SH3RF3: variants seen among roughly 807,000 people sequenced by gnomAD.
SH3RF3 encodes SH3 domain containing ring finger 3, also known as E3 ubiquitin-protein ligase SH3RF3.
A neutral mutation model predicts 66.3 loss-of-function variants in SH3RF3; 29 were observed. The ratio of observed to expected loss-of-function variants is 0.44; its 90% CI spans 0.33 to 0.60. The LOEUF (loss-of-function observed/expected upper bound fraction) is 0.60, where lower values mean the gene tolerates loss of function less well. SH3RF3 is among the 20% of genes least tolerant of loss of function. The pLI, the probability that SH3RF3 is intolerant of heterozygous loss-of-function variation, is 0.04. For missense variants in SH3RF3, 1,194 were observed against 1,190.9 expected (o/e 1.00, Z -0.04); for synonymous variants, 583 against 532.0 (o/e 1.10, Z -1.32).
intron 5 of SH3RF3, among the ~76,000 whole-genome samples, chr2:109,431,452 A>G (rs1392951222): frequency 6.6e-6 from 1 of 152,206 alleles, no homozygotes; most frequent in African/African-American, 2.4e-5. Flanking sequence ...AGTATTATCC[A>G]ATCTTTACAA....
At chr2:109,286,881 C>A (rs1346884902) in intron 1 of SH3RF3, among the ~76,000 whole-genome samples, 2 of 152,168 alleles carry the variant, frequency 1.3e-5, no homozygotes, top group African/African-American at 4.8e-5. Flanking sequence ...ACCGGTCTGT[C>A]CCCAGAGAAA....
At chr2:109,343,029 C>T (rs1294896682) in intron 1 of SH3RF3, among the ~76,000 whole-genome samples, 2 of 152,116 alleles carry the variant, frequency 1.3e-5, no homozygotes, top group African/African-American at 2.4e-5. Context: ...AAGGGGAGCA[C>T]GCCGCAGTGT....
Position 109,297,507 on chromosome 2 carries a change from C to T in SH3RF3, c.574-50167C>T, listed in dbSNP as rs139675355. Among the ~76,000 whole-genome samples, 95 of 152,080 alleles carry T rather than the reference C, an allele frequency of 6.2e-4. 1 individual carries two copies. The highest frequency in any genetic ancestry group is 1.9e-3 in the African/African-American group (77 of 41,474). On this transcript the variant is annotated intron_variant, in intron 1 of 9. Transcript: ENST00000309415. The stretch of plus-strand genomic sequence containing the variant: ...GTGCTCCCCACCAGACCAGTGCCTC[C>T]GACCCAAGTCAGTGCCTCCCACCCA...
At chr2:109,239,230 C>T (rs371307093) in intron 1 of SH3RF3, among the ~76,000 whole-genome samples, 8 of 151,982 alleles carry the variant, frequency 5.3e-5, no homozygotes, top group African/African-American at 1.7e-4. Context: ...TCCGTAAATA[C>T]GGATGGCAAA....
intron 1 of SH3RF3, among the ~76,000 whole-genome samples, chr2:109,179,182 C>CTCA (rs1678009823): frequency 6.6e-6 from 1 of 152,154 alleles, no homozygotes; most frequent in African/African-American, 2.4e-5. Context: ...ACGTATCTTG[C>CTCA]AGCTGCGTGG....
chr2:109,390,797 T>C (rs908098726), intron 3 of SH3RF3, among the ~76,000 whole-genome samples: 4 of 152,158 alleles, frequency 2.6e-5, no homozygotes, highest in Admixed American at 2.0e-4. Flanking sequence ...CTTCCCGGGC[T>C]ACCCACTATG....
At chr2:109,490,405 A>G (rs1679098435) in intron 8 of SH3RF3, among the ~76,000 whole-genome samples, 200 bp from the exon 9 acceptor site, 3 of 152,150 alleles carry the variant, frequency 2.0e-5, no homozygotes, top group Admixed American at 1.3e-4. Context: ...ACCCGTGGGA[A>G]CTGGGGTTCA....
chr2:109,457,827 A>G (rs1040128913), intron 8 of SH3RF3, among the ~76,000 whole-genome samples: 1 of 152,104 alleles, frequency 6.6e-6, no homozygotes, highest in Non-Finnish European at 1.5e-5. Context: ...CACCCCATAA[A>G]CTACATCAGA....
chr2:109,350,335 C>T (rs891022951), intron 2 of SH3RF3, among the ~76,000 whole-genome samples: 3 of 152,168 alleles, frequency 2.0e-5, no homozygotes, highest in African/African-American at 7.2e-5. Flanking sequence ...GGATCTGTGA[C>T]GGCTCCCACA....
Position 109,182,052 on chromosome 2 carries a change from G to C in SH3RF3, c.573+51939G>C, listed in dbSNP as rs1382478528. ...TTATCTATGTGATAAACATATGTAT[G>C]CCGTAAACCTGAATAATTTTTGAAA... On this transcript the variant is annotated intron_variant, in intron 1 of 9. Coordinates refer to ENST00000309415, the MANE Select transcript of SH3RF3 (RefSeq NM_001099289.3). Among the ~76,000 whole-genome samples the C allele has an allele frequency of 2.6e-5, 4 of 152,286 alleles. No individual in the cohort carries two copies. In the East Asian group the frequency reaches 7.7e-4, roughly 29 times the overall value.
At chr2:109,204,629 G>A (rs978306565) in intron 1 of SH3RF3, among the ~76,000 whole-genome samples, 1 of 152,192 alleles carries the variant, frequency 6.6e-6, no homozygotes, top group South Asian at 2.1e-4. Context: ...CCACCACCAG[G>A]TGTGACAACC....
intron 1 of SH3RF3, among the ~76,000 whole-genome samples, chr2:109,143,232 CAA>C (rs1677007005): frequency 6.6e-6 from 1 of 152,036 alleles, no homozygotes; most frequent in African/African-American, 2.4e-5. Context: ...CATTTGGAAA[CAA>C]ATTTAAATAA....
intron 1 of SH3RF3, among the ~76,000 whole-genome samples, chr2:109,195,863 G>A (rs940383304): frequency 6.6e-6 from 1 of 152,218 alleles, no homozygotes; most frequent in East Asian, 1.9e-4. Context: ...CTGGCTATGC[G>A]TTTGGAAGGT....
At chr2:109,312,557 C>T (rs1368538415) in intron 1 of SH3RF3, among the ~76,000 whole-genome samples, 1 of 151,968 alleles carries the variant, frequency 6.6e-6, no homozygotes, top group Non-Finnish European at 1.5e-5. Flanking sequence ...GGCCCCAGGC[C>T]ACCACAACCT....
intron 1 of SH3RF3, among the ~76,000 whole-genome samples, chr2:109,145,630 C>G (rs1398541412): frequency 6.6e-6 from 1 of 152,238 alleles, no homozygotes; most frequent in East Asian, 1.9e-4. Flanking sequence ...CCATGCGTTT[C>G]TAGACTCTCG....
chr2:109,433,170 AGCATGTGTGTATGCAGTGTGTAT>A (rs1460145693), intron 6 of SH3RF3, among the ~76,000 whole-genome samples: 3 of 152,226 alleles, frequency 2.0e-5, no homozygotes, highest in African/African-American at 7.2e-5. Context: ...ATGTAGGTAC[AGCATGTGTGTATGCAGTGTGTAT>A]GCATGTGTGT....
chr2:109,428,999 C>T (rs1200278173), intron 5 of SH3RF3, among the ~76,000 whole-genome samples: 1 of 152,218 alleles, frequency 6.6e-6, no homozygotes, highest in Non-Finnish European at 1.5e-5. Context: ...CCAGGAGACT[C>T]TGAACTGGCA....
At chr2:109,375,457 C>A in intron 3 of SH3RF3, among the ~76,000 whole-genome samples, 1 of 152,236 alleles carries the variant, frequency 6.6e-6, no homozygotes, top group East Asian at 1.9e-4. Context: ...GAGGAGTGGG[C>A]CTGGCCTCTC....
At chr2:109,156,784 T>C (rs1258457434) in intron 1 of SH3RF3, among the ~76,000 whole-genome samples, 2 of 152,100 alleles carry the variant, frequency 1.3e-5, no homozygotes, top group African/African-American at 4.8e-5. Context: ...AGGGTTGTTG[T>C]AGGAGATAGA....
Sources: gnomAD v4.1 joint callset for allele counts (sites outside exome capture counted in the v4.1 genomes callset) on GRCh38, gnomAD v4.1.1 for gene constraint, MANE v1.5 for transcripts, NCBI Gene and HGNC (gene_info 2026-07-23, HGNC 2026-07-21) for gene names.